Variants in MYO5C observed in about 807,000 individuals in gnomAD.
The protein encoded by MYO5C is unconventional myosin-Vc.
In MYO5C, 194 loss-of-function variants were observed where a neutral mutation model predicts 235.7. The observed-to-expected ratio is 0.82, with a 90% CI of 0.73 to 0.93. The LOEUF is 0.93. MYO5C is among the 40% of genes least tolerant of loss of function. The pLI, the probability that MYO5C is intolerant of heterozygous loss-of-function variation, is 0.00. For missense variants in MYO5C, 2,038 were observed against 2,127.2 expected, an observed-to-expected ratio of 0.96 and a Z score of 0.82; for synonymous variants, 707 against 754.8, an observed-to-expected ratio of 0.94 and a Z score of 1.04.
Position 52,246,907 on chromosome 15 carries a change from G to A in MYO5C, c.1979+10C>T. 1 of 1,609,214 alleles carries A rather than the reference G, an allele frequency of 6.2e-7. No individual in the cohort carries two copies. Among genetic ancestry groups the A allele is most frequent in the Non-Finnish European group, 8.5e-7 (1 of 1,177,296 alleles). ...CACGTCTTCGCTGTGTGTTGCATAA[G>A]AACACTTACTCAAAGGGTAACTTCT... On this transcript the variant is annotated intron_variant, in intron 16 of 40. Transcript: ENST00000261839.
At chr15:52,201,065 A>C (rs1436618980) in intron 38 of MYO5C, among the ~76,000 whole-genome samples, 2 of 152,182 alleles carry the variant, frequency 1.3e-5, no homozygotes, top group Admixed American at 1.3e-4. Flanking sequence ...AAAAGTCTTT[A>C]ACAGCTGGTT....
chr15:52,204,939 C>G lies in MYO5C; in HGVS notation c.4746G>C (p.Leu1582Phe). 6.2e-7 allele frequency: 1 copy of G among 1,614,238 alleles called. No individual in the cohort carries two copies. Among genetic ancestry groups the G allele is most frequent in the Non-Finnish European group, 8.5e-7 (1 of 1,180,036 alleles). The change falls in exon 38 of 41, where the codon TTG (leucine) becomes TTC (phenylalanine). Residue 1582 changes from leucine (L) to phenylalanine (F), a missense_variant. Coordinates refer to ENST00000261839, the MANE Select transcript of MYO5C (RefSeq NM_018728.4). Reference sequence around the variant, plus strand: ...GGCTGTTCAGCGTGACCGCCCCGATCAAGAAGAAGAGCTGCTTCACCGCCT... The same window carrying G: ...GGCTGTTCAGCGTGACCGCCCCGATGAAGAAGAAGAGCTGCTTCACCGCCT... ...VRQAVKQLFF[L>F]IGAVTLNSLF...
At chr15:52,205,768 G>T in intron 37 of MYO5C, 48 bp downstream of exon 37, 1 of 1,242,022 alleles carries the variant, frequency 8.1e-7, no homozygotes. Context: ...GTTTTAAAAA[G>T]TCTTAATGTT....
chr15:52,238,831 C>A (rs956148721), intron 21 of MYO5C, among the ~76,000 whole-genome samples: 1 of 150,412 alleles, frequency 6.6e-6, no homozygotes, highest in Non-Finnish European at 1.5e-5. Context: ...TTAGTAGAGA[C>A]GGGGTTTCAC....
chr15:52,251,103 T>C, intron 13 of MYO5C: 1 of 214,816 alleles, frequency 4.7e-6, no homozygotes, highest in Non-Finnish European at 9.1e-6. Flanking sequence ...ATTATCACAA[T>C]TTCATATAGA....
intron 21 of MYO5C, 53 bp downstream of exon 21, chr15:52,239,680 A>G (rs17650541): frequency 0.11 from 162,487 of 1,538,784 alleles, 9,475 homozygotes; most frequent in East Asian, 0.24. Flanking sequence ...TCCAGAACAA[A>G]CTACAGCCAT....
chr15:52,278,205 G>A (rs1025645739), intron 4 of MYO5C, among the ~76,000 whole-genome samples: 2 of 152,144 alleles, frequency 1.3e-5, no homozygotes, highest in Non-Finnish European at 2.9e-5. Context: ...GATAGTTATG[G>A]GAAAAATAAA....
chr15:52,295,330 G>C (rs181529234), intron 1 of MYO5C, among the ~76,000 whole-genome samples: 1 of 152,292 alleles, frequency 6.6e-6, no homozygotes, highest in East Asian at 1.9e-4. Context: ...CTCCCACAGG[G>C]TCTTCCCACC....
intron 2 of MYO5C, 89 bp from the exon 3 acceptor site, chr15:52,279,763 C>G: frequency 1.6e-6 from 2 of 1,242,626 alleles, no homozygotes; most frequent in Non-Finnish European, 2.2e-6. Flanking sequence ...ATCCACCCCT[C>G]CATCAGAGTC....
intron 32 of MYO5C, among the ~76,000 whole-genome samples, chr15:52,216,598 G>GT (rs199723796): frequency 0.043 from 6,506 of 151,220 alleles, 155 homozygotes; most frequent in Admixed American, 0.065. Context: ...ATTACTAAAA[G>GT]TTTTTTTTTA....
intron 25 of MYO5C, among the ~76,000 whole-genome samples, chr15:52,226,566 T>C (rs939696532): frequency 5.3e-5 from 8 of 152,244 alleles, no homozygotes; most frequent in East Asian, 1.9e-4. Flanking sequence ...CAAACTGATA[T>C]GTGCTGAGCA....
intron 25 of MYO5C, among the ~76,000 whole-genome samples, chr15:52,228,031 G>A (rs1435471922): frequency 6.6e-6 from 1 of 152,124 alleles, no homozygotes; most frequent in African/African-American, 2.4e-5. Flanking sequence ...ATTCACTTAA[G>A]CCTTGATTGT....
intron 31 of MYO5C, among the ~76,000 whole-genome samples, chr15:52,219,306 G>A (rs972951104): frequency 2.6e-5 from 4 of 152,204 alleles, no homozygotes; most frequent in Non-Finnish European, 4.4e-5. Context: ...AATTTGGGGG[G>A]ATTAGCAATG....
At chr15:52,278,429 G>A (rs534971422) in intron 4 of MYO5C, among the ~76,000 whole-genome samples, 1 of 152,012 alleles carries the variant, frequency 6.6e-6, no homozygotes, top group Non-Finnish European at 1.5e-5. Context: ...AACTCCACAG[G>A]GCCCTACAAA....
rs1049321602 is a variant in MYO5C at position 52,195,541 on chromosome 15, A to G, written c.4996-84T>C. On this transcript the variant is annotated intron_variant, in intron 39 of 40. Coordinates refer to ENST00000261839, the MANE Select transcript of MYO5C (RefSeq NM_018728.4). ...ATAATGGTTCTGGTTATTGGGAACC[A>G]TTGGGAAGCACAGGTGGTTCTTTTA... 17 of 889,640 alleles carry G rather than the reference A, an allele frequency of 1.9e-5. No homozygotes were observed. The African/African-American group carries it at 2.6e-4, about 14-fold the overall frequency. The allele number at this position is 889,640 out of a possible 1,614,324, so 55.1% of individuals were successfully genotyped here.
intron 24 of MYO5C, among the ~76,000 whole-genome samples, chr15:52,230,751 T>TAA (rs1382741907): frequency 1.3e-3 from 174 of 138,654 alleles, no homozygotes; most frequent in African/African-American, 4.6e-3. Flanking sequence ...TCCAGGTTTT[T>TAA]TAAAAAAAAA....
rs367691811 is a variant in MYO5C at position 52,282,834 on chromosome 15, T to C, written c.86A>G (p.Lys29Arg). The C allele has an allele frequency of 5.0e-6, 8 of 1,614,046 alleles. No homozygotes were observed. Among genetic ancestry groups the C allele is most frequent in the Non-Finnish European group, 5.9e-6 (7 of 1,179,988 alleles). Residue 29 changes from lysine (K) to arginine (R), a missense_variant, in exon 2 of 41, where the codon AAG (lysine) becomes AGG (arginine). Physicochemically the swap from Lys to Arg is conservative, Grantham distance 26. Transcript: ENST00000261839. ...GACCTTGTCACCAACTCTGTAGTCCTTGGCTATTTCAGCAGACTTCCAAAC... is the reference window on the plus strand; with the variant it reads ...GACCTTGTCACCAACTCTGTAGTCCCTGGCTATTTCAGCAGACTTCCAAAC... ...EEVWKSAEIAKDYRVGDKVLR... is the reference protein window; with the variant it reads ...EEVWKSAEIARDYRVGDKVLR...
intron 4 of MYO5C, among the ~76,000 whole-genome samples, chr15:52,276,889 A>G (rs1331472135): frequency 6.6e-6 from 1 of 152,134 alleles, no homozygotes; most frequent in African/African-American, 2.4e-5. Flanking sequence ...CACCGCTCAC[A>G]TGCCAGGTGC....
intron 21 of MYO5C, 145 bp downstream of exon 21, chr15:52,239,588 T>G (rs2036167412): frequency 3.9e-6 from 3 of 774,808 alleles, no homozygotes; most frequent in Non-Finnish European, 6.0e-6. Flanking sequence ...TACAGTGTAC[T>G]TCTGTTTCCT....
Sources: allele counts gnomAD v4.1 joint callset (sites outside exome capture counted in the v4.1 genomes callset), GRCh38; gene constraint gnomAD v4.1.1; transcripts MANE v1.5; gene names NCBI Gene and HGNC (gene_info 2026-07-23, HGNC 2026-07-21).